Variants in OPCML observed in about 807,000 individuals in gnomAD.
The protein encoded by OPCML is opioid binding protein/cell adhesion molecule like.
In OPCML, 13 loss-of-function variants were observed where a neutral mutation model predicts 37.8. The observed-to-expected ratio is 0.34, with a 90% CI of 0.22 to 0.55. The LOEUF (loss-of-function observed/expected upper bound fraction) is 0.55, where lower values mean the gene tolerates loss of function less well. Ranked by LOEUF, OPCML falls within the 20% of genes least tolerant of loss-of-function variation. OPCML has a pLI of 0.91. For synonymous variants in OPCML, 176 were observed against 168.8 expected (o/e 1.04, Z -0.33); for missense variants, 341 against 435.6 (o/e 0.78, Z 1.93).
intron 2 of OPCML, among the ~76,000 whole-genome samples, chr11:132,680,799 T>C (rs1942906781): frequency 1.3e-5 from 2 of 152,204 alleles, no homozygotes; most frequent in African/African-American, 4.8e-5. Context: ...CTCTGGCGGT[T>C]GCATGCTGCC....
rs75783636 is a variant in OPCML, at chr11:133,349,748, C to T, written c.61+182516G>A. On this transcript the variant is annotated intron_variant, in intron 1 of 7. Coordinates refer to ENST00000524381, the MANE Select transcript of OPCML (RefSeq NM_001012393.5). Reference sequence around the variant, plus strand: ...GAGGTGTGAGACAGGAAGAACACAGCTGTGCTTTCAGATCCCAGACGGAAA... The same window carrying T: ...GAGGTGTGAGACAGGAAGAACACAGTTGTGCTTTCAGATCCCAGACGGAAA... Among the ~76,000 whole-genome samples, 462 of 152,270 alleles carry T rather than the reference C, an allele frequency of 3.0e-3. 2 individuals carry two copies. Among genetic ancestry groups the T allele is most frequent in the African/African-American group, 0.01 (427 of 41,546 alleles).
chr11:133,099,463 A>G (rs558479056), intron 1 of OPCML, among the ~76,000 whole-genome samples: 54 of 83,142 alleles, frequency 6.5e-4, no homozygotes, highest in Non-Finnish European at 1.2e-3. Flanking sequence ...TTTTTTTTGT[A>G]TTTTTAGTAG....
chr11:133,234,068 T>C (rs1382597664), intron 1 of OPCML, among the ~76,000 whole-genome samples: 1 of 152,196 alleles, frequency 6.6e-6, no homozygotes, highest in Non-Finnish European at 1.5e-5. Context: ...ATAAAATAGA[T>C]GTTCCCTTAT....
intron 1 of OPCML, chr11:133,439,512 G>A (rs7115773): frequency 0.16 from 145,767 of 887,046 alleles, 12,469 homozygotes; most frequent in Admixed American, 0.23. Context: ...CTGTCGCCCA[G>A]GCTGGAGTGC....
At chr11:132,498,757 C>T (rs1271653028) in intron 4 of OPCML, among the ~76,000 whole-genome samples, 3 of 137,080 alleles carry the variant, frequency 2.2e-5, no homozygotes, top group East Asian at 4.3e-4. Flanking sequence ...GGCTCTTAGG[C>T]ATATAGGACC....
At chr11:132,814,522 CT>C (rs1351345581) in intron 2 of OPCML, among the ~76,000 whole-genome samples, 1 of 152,194 alleles carries the variant, frequency 6.6e-6, no homozygotes, top group Non-Finnish European at 1.5e-5. Context: ...CAAATTCCTT[CT>C]TCCTCTGCCT....
chr11:133,522,777 C>T lies in OPCML; in HGVS notation c.61+9487G>A, dbSNP rs113627981. On this transcript the variant is annotated intron_variant, in intron 1 of 7. Transcript: ENST00000524381. Reference sequence around the variant, plus strand: ...GTAAGACACTCAGATGCCCTTTGCCCGAGTGCTTCATCTATAAAATGAAAG... The same window carrying T: ...GTAAGACACTCAGATGCCCTTTGCCTGAGTGCTTCATCTATAAAATGAAAG... Among the ~76,000 whole-genome samples, 1,107 of 152,196 alleles carry T rather than the reference C, an allele frequency of 7.3e-3. 13 individuals are homozygous for T. Among genetic ancestry groups the T allele is most frequent in the African/African-American group, 0.024 (1,000 of 41,534 alleles).
chr11:132,855,288 A>T (rs1166228988), intron 2 of OPCML, among the ~76,000 whole-genome samples: 11 of 151,924 alleles, frequency 7.2e-5, no homozygotes, highest in Admixed American at 7.2e-4. Flanking sequence ...CATTTTCCAT[A>T]CTCCTGTGAT....
At chr11:132,444,553 C>T (rs745322392) in intron 4 of OPCML, among the ~76,000 whole-genome samples, 2 of 152,184 alleles carry the variant, frequency 1.3e-5, no homozygotes, top group Non-Finnish European at 1.5e-5. Context: ...GTCACATCTT[C>T]TACTTCCTTA....
chr11:132,630,201 C>T (rs1483814023), intron 3 of OPCML, among the ~76,000 whole-genome samples: 1 of 152,134 alleles, frequency 6.6e-6, no homozygotes, highest in Non-Finnish European at 1.5e-5. Flanking sequence ...CATCAAATGT[C>T]AATGTATGAA....
rs140894537 is a variant in OPCML at position 133,411,571 on chromosome 11, C to T, written c.61+120693G>A. Among the ~76,000 whole-genome samples, 146 of 152,294 alleles carry T rather than the reference C, an allele frequency of 9.6e-4. 2 individuals are homozygous for T. Among genetic ancestry groups the T allele is most frequent in the East Asian group, 3.9e-4 (2 of 5,170 alleles). ...ACAGTTCCTCAATTCTGGGTCCTGT[C>T]ACCTCACAGTCTTAGAAGCAGTCTT... On this transcript the variant is annotated intron_variant, in intron 1 of 7. Coordinates refer to ENST00000524381, the MANE Select transcript of OPCML (RefSeq NM_001012393.5).
intron 1 of OPCML, among the ~76,000 whole-genome samples, chr11:133,201,406 A>G (rs908294465): frequency 2.6e-5 from 4 of 151,974 alleles, no homozygotes; most frequent in Admixed American, 6.6e-5. Flanking sequence ...TTGACACCCA[A>G]TAAATGACTA....
At chr11:133,390,394 T>C (rs560164793) in intron 1 of OPCML, among the ~76,000 whole-genome samples, 9 of 150,876 alleles carry the variant, frequency 6.0e-5, no homozygotes, top group East Asian at 5.9e-4. Context: ...ACCCGGGAGG[T>C]GGAGCTTGCA....
chr11:132,616,081 T>G (rs1281509408), intron 3 of OPCML, among the ~76,000 whole-genome samples: 1 of 152,208 alleles, frequency 6.6e-6, no homozygotes, highest in East Asian at 1.9e-4. Context: ...GGGGCGTTGG[T>G]CAACCTAGAA....
chr11:133,252,153 C>T (rs1043042585), intron 1 of OPCML, among the ~76,000 whole-genome samples: 2 of 152,174 alleles, frequency 1.3e-5, no homozygotes. Context: ...CAAGGTTAAT[C>T]TATTAAGACA....
intron 1 of OPCML, among the ~76,000 whole-genome samples, chr11:133,469,280 C>T (rs1312823239): frequency 6.6e-6 from 1 of 152,156 alleles, no homozygotes; most frequent in African/African-American, 2.4e-5. Flanking sequence ...TTTTACTGAA[C>T]CTTTTCTATG....
intron 2 of OPCML, among the ~76,000 whole-genome samples, chr11:132,698,557 G>A (rs924943532): frequency 3.9e-5 from 6 of 152,204 alleles, no homozygotes; most frequent in Middle Eastern, 3.4e-3. Flanking sequence ...TATATGGTTT[G>A]CAAATATTTT....
At chr11:132,769,408 A>G (rs376303678) in intron 2 of OPCML, among the ~76,000 whole-genome samples, 19 of 151,942 alleles carry the variant, frequency 1.3e-4, no homozygotes, top group African/African-American at 4.6e-4. Context: ...CACAAACAAG[A>G]CTTTGTGACT....
At chr11:133,088,389 G>C (rs1948849864) in intron 1 of OPCML, among the ~76,000 whole-genome samples, 1 of 152,182 alleles carries the variant, frequency 6.6e-6, no homozygotes, top group Admixed American at 6.5e-5. Flanking sequence ...CAAGATCCAA[G>C]TGACCATGAG....
Sources: gnomAD v4.1 joint callset for allele counts (sites outside exome capture counted in the v4.1 genomes callset) on GRCh38, gnomAD v4.1.1 for gene constraint, MANE v1.5 for transcripts, NCBI Gene and HGNC (gene_info 2026-07-23, HGNC 2026-07-21) for gene names.